BMP2K: variants seen among roughly 807,000 people sequenced by gnomAD.
BMP2K encodes BMP-2-inducible protein kinase.
Under a neutral mutation model 116.0 loss-of-function variants are expected in BMP2K, and 74 were observed. The observed-to-expected ratio is 0.64, with a 90% CI of 0.53 to 0.77. The LOEUF is 0.77. Among genes scored for constraint, BMP2K ranks in the 30% least tolerant of loss-of-function variants. The probability of loss-of-function intolerance (pLI) is 0.00; values close to 1 mark genes in which losing one functional copy is unlikely to be tolerated. For synonymous variants in BMP2K, 486 were observed against 502.5 expected (o/e 0.97, Z 0.44); for missense variants, 1,365 against 1,403.6 (o/e 0.97, Z 0.44).
rs776131230 is a variant in BMP2K, at chr4:78,865,599, A to G, written c.1110A>G (p.Pro370=). 5 of 1,614,010 alleles carry G rather than the reference A, an allele frequency of 3.1e-6. No homozygotes were observed. Among genetic ancestry groups the G allele is most frequent in the Non-Finnish European group, 4.2e-6 (5 of 1,179,988 alleles). Residue 370 remains proline, a synonymous_variant, in exon 10 of 16, where the codon CCA becomes CCG. Transcript: ENST00000502613. ...GACCAACAGAAACCTCAATTGCACC[A>G]AGACAAAGACCAAAGGCCAACTCTG... ...TIGPTETSIA[P]RQRPKANSAT...
intron 15 of BMP2K, chr4:78,898,721 A>G (rs991417311): frequency 1.3e-5 from 2 of 151,796 alleles, no homozygotes; most frequent in Non-Finnish European, 2.9e-5. Context: ...ACAGAAATTG[A>G]AAGCAAGTGA....
At chr4:78,880,158 C>T (rs570239540) in intron 14 of BMP2K, among the ~76,000 whole-genome samples, 5 of 152,278 alleles carry the variant, frequency 3.3e-5, no homozygotes, top group South Asian at 2.1e-4. Flanking sequence ...CCGCAACCTC[C>T]GCCTCCTGGG....
chr4:78,811,965 T>A (rs1251154976), intron 1 of BMP2K, among the ~76,000 whole-genome samples: 1 of 152,144 alleles, frequency 6.6e-6, no homozygotes, highest in African/African-American at 2.4e-5. Context: ...AGTTATTTTT[T>A]AAAAAGTTTT....
At chr4:78,800,106 A>G (rs975075757) in intron 1 of BMP2K, among the ~76,000 whole-genome samples, 9 of 152,280 alleles carry the variant, frequency 5.9e-5, no homozygotes, top group African/African-American at 2.2e-4. Flanking sequence ...CTATTTGAAC[A>G]ATTGTAGAGT....
intron 1 of BMP2K, among the ~76,000 whole-genome samples, chr4:78,789,380 C>T (rs1190941856): frequency 6.6e-6 from 1 of 151,896 alleles, no homozygotes; most frequent in Non-Finnish European, 1.5e-5. Context: ...TACTTATGGC[C>T]TCTTTAATTG....
chr4:78,859,668 G>C lies in BMP2K; in HGVS notation c.968G>C (p.Cys323Ser), dbSNP rs764903814. 1.2e-6 allele frequency: 2 copies of C among 1,601,530 alleles called. No individual in the cohort carries two copies. Among genetic ancestry groups the C allele is most frequent in the East Asian group, 4.5e-5 (2 of 44,720 alleles). Residue 323 changes from cysteine (C) to serine (S), a missense_variant, in exon 8 of 16, where the codon TGT (cysteine) becomes TCT (serine). Physicochemically the swap from Cys to Ser is moderately radical, Grantham distance 112. This residue lies in a region of BMP2K where 762 missense variants were observed against 756.7 expected (regional missense o/e 1.01). Transcript: ENST00000502613. ...GCATTTAAATTTGCCAAAAAGGATTGTCCAGTCTCCAACATCAATGTAAGT... is the reference window on the plus strand; with the variant it reads ...GCATTTAAATTTGCCAAAAAGGATTCTCCAGTCTCCAACATCAATGTAAGT... ...YFAFKFAKKD[C>S]PVSNINNSSI...
At chr4:78,895,318 C>T (rs1286476722) in intron 15 of BMP2K, among the ~76,000 whole-genome samples, 2 of 152,134 alleles carry the variant, frequency 1.3e-5, no homozygotes, top group African/African-American at 4.8e-5. Context: ...CTTTTTAAAG[C>T]ATAGGGTTTA....
At chr4:78,859,948 C>T (rs1376347718) in intron 8 of BMP2K, 46 of 551,064 alleles carry the variant, frequency 8.3e-5, no homozygotes, top group South Asian at 5.3e-5. Flanking sequence ...GGACATCTTT[C>T]TGACTTAGCA....
At chr4:78,854,713 C>T (rs796953296) in intron 7 of BMP2K, among the ~76,000 whole-genome samples, 3 of 152,082 alleles carry the variant, frequency 2.0e-5, no homozygotes, top group East Asian at 1.9e-4. Context: ...TTTCAATACC[C>T]ATATTGTGGG....
intron 12 of BMP2K, 128 bp from the exon 13 acceptor site, chr4:78,872,486 A>G: frequency 3.8e-6 from 3 of 786,692 alleles, no homozygotes; most frequent in Non-Finnish European, 5.7e-6. Context: ...CTGCTTCTGT[A>G]GATGATTGTT....
At position 78,864,412 on chromosome 4, in the gene BMP2K, T is replaced by A. The variant is rs986279840; in HGVS notation, c.1068-1145T>A. Among the ~76,000 whole-genome samples, 6 of 151,720 alleles carry A rather than the reference T, an allele frequency of 4.0e-5. 1 individual carries two copies. The South Asian group carries it at 1.2e-3, about 32-fold the overall frequency. On this transcript the variant is annotated intron_variant, in intron 9 of 15. Coordinates refer to ENST00000502613, the MANE Select transcript of BMP2K (RefSeq NM_198892.2). ...ATATATACACCGATATATATATCGG[T>A]GTATATATATATGTAATATCTGTAT... is the stretch of plus-strand genomic sequence containing the variant.
At chr4:78,849,513 G>A (rs1731154205) in intron 6 of BMP2K, among the ~76,000 whole-genome samples, 1 of 151,526 alleles carries the variant, frequency 6.6e-6, no homozygotes, top group South Asian at 2.1e-4. Flanking sequence ...AATAAAACTG[G>A]CTAAGATTTC....
Position 78,796,412 on chromosome 4 carries a change from G to A in BMP2K, c.178+19691G>A, listed in dbSNP as rs979969019. Among the ~76,000 whole-genome samples, 643 of 150,182 alleles carry A rather than the reference G, an allele frequency of 4.3e-3. 2 individuals carry two copies. The highest frequency in any genetic ancestry group is 0.014 in the African/African-American group (574 of 40,946). On this transcript the variant is annotated intron_variant, in intron 1 of 15. Coordinates refer to ENST00000502613, the MANE Select transcript of BMP2K (RefSeq NM_198892.2). ...GGGGTGGGGGGAGGGGGGAGGGATA[G>A]CATTGGGAGATATACCTAATGCTAG... is the stretch of plus-strand genomic sequence containing the variant.
At position 78,892,587 on chromosome 4, in the gene BMP2K, A is replaced by G. The variant is rs1403810362; in HGVS notation, c.2062+5303A>G. On this transcript the variant is annotated intron_variant, in intron 15 of 15. Transcript: ENST00000502613. ...ATGTTTTCTTCTACCTATTTCAGGA[A>G]TAATTTGCTACTCTTTCTCTAGCTT... 1.7e-4 allele frequency among the ~76,000 whole-genome samples: 26 copies of G among 152,166 alleles called. 1 individual carries two copies. The highest frequency in any genetic ancestry group is 1.7e-3 in the Admixed American group (26 of 15,274).
rs980706271 is a variant in BMP2K at position 78,894,657 on chromosome 4, C to T, written c.2062+7373C>T. ...ATCAGCAGTAAGGTTGTTTTCCTTT[C>T]TTACCGTTCATCACTGATCACTGGA... On this transcript the variant is annotated intron_variant, in intron 15 of 15. Coordinates refer to ENST00000502613, the MANE Select transcript of BMP2K (RefSeq NM_198892.2). Among the ~76,000 whole-genome samples the T allele has an allele frequency of 2.6e-5, 4 of 152,218 alleles. No individual in the cohort carries two copies. In the South Asian group the frequency reaches 8.3e-4, roughly 31 times the overall value.
chr4:78,806,838 T>A (rs2109964976), intron 1 of BMP2K, among the ~76,000 whole-genome samples: 1 of 149,750 alleles, frequency 6.7e-6, no homozygotes, highest in South Asian at 2.1e-4. Flanking sequence ...ATCTTATCTT[T>A]TCTTTTTTTT....
chr4:78,831,505 G>C (rs760703695), intron 2 of BMP2K, among the ~76,000 whole-genome samples: 2 of 152,122 alleles, frequency 1.3e-5, no homozygotes, highest in Non-Finnish European at 2.9e-5. Flanking sequence ...GTACACCTTT[G>C]CTATTCTCCT....
At chr4:78,842,558 T>C (rs750166787) in intron 4 of BMP2K, 31 bp downstream of exon 4, 1 of 1,512,706 alleles carries the variant, frequency 6.6e-7, no homozygotes, top group South Asian at 1.3e-5. Flanking sequence ...ATGGATTAAG[T>C]AATAAGTTGG....
At position 78,850,920 on chromosome 4, in the gene BMP2K, A is replaced by T. The variant is rs770080415; in HGVS notation, c.751-4A>T. The stretch of plus-strand genomic sequence containing the variant: ...AATGATATTTATGCTTCTTTGGTTT[A>T]CAGGCACTGGGATGTCTACTCTATA... On this transcript the variant is annotated splice_polypyrimidine_tract_variant and splice_region_variant and intron_variant, in intron 6 of 15. Coordinates refer to ENST00000502613, the MANE Select transcript of BMP2K (RefSeq NM_198892.2). 1.2e-6 allele frequency: 2 copies of T among 1,610,722 alleles called. No individual in the cohort carries two copies. The highest frequency in any genetic ancestry group is 1.7e-6 in the Non-Finnish European group (2 of 1,178,184).
Sources: gnomAD v4.1 joint callset for allele counts (sites outside exome capture counted in the v4.1 genomes callset) on GRCh38, gnomAD v4.1.1 for gene constraint, gnomAD v4.1.1 regional missense constraint, MANE v1.5 for transcripts, NCBI Gene and HGNC (gene_info 2026-07-23, HGNC 2026-07-21) for gene names.